The following CREB5 variants were observed in gnomAD, a reference collection of about 807,000 sequenced individuals.
CREB5 encodes cyclic AMP-responsive element-binding protein 5.
Under a neutral mutation model 57.1 loss-of-function variants are expected in CREB5, and 19 were observed. That is an observed-to-expected ratio of 0.33 (90% CI 0.23 to 0.49). The LOEUF is 0.49. Among genes scored for constraint, CREB5 ranks in the 20% least tolerant of loss-of-function variants. CREB5 has a pLI of 0.99. For synonymous variants in CREB5, 238 were observed against 238.3 expected, an observed-to-expected ratio of 1.00 and a Z score of 0.01; for missense variants, 579 against 671.6, an observed-to-expected ratio of 0.86 and a Z score of 1.52.
chr7:28,372,852 A>G (rs1786734748), intron 1 of CREB5, among the ~76,000 whole-genome samples: 1 of 152,224 alleles, frequency 6.6e-6, no homozygotes, highest in Non-Finnish European at 1.5e-5. Context: ...GTATTAAAAC[A>G]TTTAATTTTG....
chr7:28,747,468 G>T (rs1804747063), intron 7 of CREB5, among the ~76,000 whole-genome samples: 1 of 152,188 alleles, frequency 6.6e-6, no homozygotes, highest in Non-Finnish European at 1.5e-5. Flanking sequence ...GATCCAAAGG[G>T]AGTTACAGCA....
chr7:28,414,504 A>G (rs909434836), intron 1 of CREB5, among the ~76,000 whole-genome samples: 1 of 152,202 alleles, frequency 6.6e-6, no homozygotes, highest in Non-Finnish European at 1.5e-5. Flanking sequence ...ATTGCCTTAA[A>G]TATCTAAGTG....
At position 28,560,821 on chromosome 7, in the gene CREB5, TGCGC is replaced by T. The variant is rs1169041503; in HGVS notation, c.292-9534_292-9531del. ...CAGTGTGTGTGCGCGTGTGTGTGTG[TGCGC>T]GCGCGCGCGTGTGTGTGTGCGCGTG... On this transcript the variant is annotated intron_variant, in intron 4 of 10. Transcript: ENST00000357727. Among the ~76,000 whole-genome samples, 408 of 60,288 alleles carry T rather than the reference TGCGC, an allele frequency of 6.8e-3. 31 individuals are homozygous for T. Among genetic ancestry groups the T allele is most frequent in the African/African-American group, 0.019 (292 of 15,234 alleles). 39.6% of individuals were successfully genotyped at this position (60,288 alleles called of 152,430 possible).
intron 4 of CREB5, among the ~76,000 whole-genome samples, chr7:28,562,598 T>G (rs936525641): frequency 3.9e-5 from 6 of 152,194 alleles, no homozygotes; most frequent in African/African-American, 1.4e-4. Context: ...GATGATTATA[T>G]CAGTGTGCAA....
intron 1 of CREB5, among the ~76,000 whole-genome samples, chr7:28,473,977 T>C: frequency 6.6e-6 from 1 of 152,212 alleles, no homozygotes. Flanking sequence ...TAACAGACTA[T>C]CTGAAGCCTG....
At chr7:28,434,517 G>A (rs904528435) in intron 1 of CREB5, among the ~76,000 whole-genome samples, 1 of 151,940 alleles carries the variant, frequency 6.6e-6, no homozygotes, top group Non-Finnish European at 1.5e-5. Context: ...TAGAAATTTT[G>A]GAGCTCCAAG....
intron 1 of CREB5, among the ~76,000 whole-genome samples, chr7:28,358,117 G>T (rs993990993): frequency 7.9e-5 from 12 of 152,064 alleles, no homozygotes; most frequent in Non-Finnish European, 2.9e-5. Context: ...TTTTCAGTCT[G>T]CACAACAACT....
intron 10 of CREB5, 106 bp downstream of exon 10, chr7:28,818,285 C>A: frequency 2.7e-6 from 2 of 742,830 alleles, no homozygotes; most frequent in South Asian, 1.8e-5. Flanking sequence ...GATTGTACTT[C>A]CAGGCAGATA....
At chr7:28,787,745 G>C (rs988821339) in intron 7 of CREB5, among the ~76,000 whole-genome samples, 2 of 152,144 alleles carry the variant, frequency 1.3e-5, no homozygotes, top group Non-Finnish European at 2.9e-5. Context: ...TATAGAGACA[G>C]GGTTTGCCTT....
At chr7:28,787,579 T>C (rs768099043) in intron 7 of CREB5, among the ~76,000 whole-genome samples, 8 of 152,222 alleles carry the variant, frequency 5.3e-5, no homozygotes, top group Admixed American at 6.5e-5. Flanking sequence ...TTTGTCGTTG[T>C]TTTTTGAGAC....
At chr7:28,333,647 G>A (rs141189722) in intron 1 of CREB5, among the ~76,000 whole-genome samples, 17 of 152,248 alleles carry the variant, frequency 1.1e-4, no homozygotes, top group Middle Eastern at 6.8e-3. Flanking sequence ...AACATGTGAA[G>A]TTTGTCTTCT....
At chr7:28,677,688 T>C (rs1288588167) in intron 5 of CREB5, among the ~76,000 whole-genome samples, 1 of 152,200 alleles carries the variant, frequency 6.6e-6, no homozygotes, top group Non-Finnish European at 1.5e-5. Flanking sequence ...CTTAAATGCA[T>C]GCTTTCCAGT....
In CREB5 at chr7:28,818,064, CTT is replaced by C; in HGVS notation, c.1255-4_1255-3del. 1 of 1,610,482 alleles carries C rather than the reference CTT, an allele frequency of 6.2e-7. No individual in the cohort carries two copies. The highest frequency in any genetic ancestry group is 8.5e-7 in the Non-Finnish European group (1 of 1,177,338). On this transcript the variant is annotated splice_region_variant and splice_polypyrimidine_tract_variant and intron_variant, in intron 9 of 10. Transcript: ENST00000357727. ...CTCAACATGGTTTTAATACATATCT[CTT>C]TTAGAATGAAGTGTCTATGTTGAAA...
chr7:28,657,565 C>T (rs1799378892), intron 5 of CREB5, among the ~76,000 whole-genome samples: 1 of 151,920 alleles, frequency 6.6e-6, no homozygotes, highest in Non-Finnish European at 1.5e-5. Context: ...CCCGTCTCTA[C>T]TAACAATACA....
intron 1 of CREB5, among the ~76,000 whole-genome samples, chr7:28,422,465 A>G (rs1788309617): frequency 6.6e-6 from 1 of 152,184 alleles, no homozygotes. Flanking sequence ...TTTTTGGATT[A>G]TGAACACTTT....
chr7:28,815,595 T>C (rs1408586348), intron 9 of CREB5, among the ~76,000 whole-genome samples: 1 of 152,150 alleles, frequency 6.6e-6, no homozygotes, highest in Admixed American at 6.5e-5. Flanking sequence ...GCATGCCAAA[T>C]ATCATAGGCA....
chr7:28,531,933 G>A (rs1016407077), intron 4 of CREB5, among the ~76,000 whole-genome samples: 2 of 152,210 alleles, frequency 1.3e-5, no homozygotes, highest in Admixed American at 1.3e-4. Flanking sequence ...GGAGGCTGAG[G>A]TAGGAGAATC....
At chr7:28,338,908 G>T (rs1043786436) in intron 1 of CREB5, among the ~76,000 whole-genome samples, 1 of 151,856 alleles carries the variant, frequency 6.6e-6, no homozygotes, top group African/African-American at 2.4e-5. Flanking sequence ...GCTATTAAGA[G>T]ACTGATGCGT....
chr7:28,389,370 CCAA>C (rs756141402), intron 1 of CREB5, among the ~76,000 whole-genome samples: 43 of 152,102 alleles, frequency 2.8e-4, no homozygotes, highest in Non-Finnish European at 5.6e-4. Flanking sequence ...TGTTAACAAA[CCAA>C]CAACAACTAC....
Sources: gnomAD v4.1 joint callset for allele counts (sites outside exome capture counted in the v4.1 genomes callset) on GRCh38, gnomAD v4.1.1 for gene constraint, MANE v1.5 for transcripts, NCBI Gene and HGNC (gene_info 2026-07-23, HGNC 2026-07-21) for gene names.